MOSPD2: variants seen among roughly 807,000 people sequenced by gnomAD.
MOSPD2 encodes the protein motile sperm domain containing 2.
A neutral mutation model predicts 41.7 loss-of-function variants in MOSPD2; 5 were observed. The ratio of observed to expected loss-of-function variants is 0.12; its 90% CI spans 0.06 to 0.25. The LOEUF (loss-of-function observed/expected upper bound fraction) is 0.25. Among genes scored for constraint, MOSPD2 ranks in the 10% least tolerant of loss-of-function variants. MOSPD2 has a pLI of 1.00. For synonymous variants in MOSPD2, 115 were observed against 126.9 expected (o/e 0.91, Z 0.63); for missense variants, 282 against 375.2 (o/e 0.75, Z 2.05).
rs182340330 is a variant in MOSPD2, at chrX:14,905,281, A to G, written c.577+2277A>G. Among the ~76,000 whole-genome samples, 319 of 110,931 alleles carry G rather than the reference A, an allele frequency of 2.9e-3. 1 individual carries two copies. The highest frequency in any genetic ancestry group is 3.5e-3 in the Non-Finnish European group (184 of 52,933). On this transcript the variant is annotated intron_variant, in intron 7 of 14. Coordinates refer to ENST00000380492, the MANE Select transcript of MOSPD2 (RefSeq NM_152581.4). ...AGGACACGGAAAATTACAAAACCCC[A>G]TTTTAGTAAATTCAAGCCTTACATA...
intron 2 of MOSPD2, among the ~76,000 whole-genome samples, chrX:14,874,770 A>C (rs2092516694): frequency 9.0e-6 from 1 of 111,536 alleles, no homozygotes; most frequent in African/African-American, 3.3e-5. Context: ...AATCGGTTTC[A>C]AATACTTGTC....
chrX:14,894,348 G>T (rs2092559314), intron 3 of MOSPD2, among the ~76,000 whole-genome samples: 2 of 83,189 alleles, frequency 2.4e-5, no homozygotes, highest in Non-Finnish European at 2.3e-5. Context: ...GATGGAATCT[G>T]GCTCTGTCAC....
chrX:14,899,146 G>T (rs1186469936), intron 5 of MOSPD2, among the ~76,000 whole-genome samples: 17 of 86,279 alleles, frequency 2.0e-4, no homozygotes, highest in African/African-American at 5.3e-4. Context: ...GTCCTCAAAA[G>T]GACGTTTTAC....
chrX:14,873,548 T>C lies in MOSPD2; in HGVS notation c.9+11T>C. 1 of 1,211,608 alleles carries C rather than the reference T, an allele frequency of 8.3e-7. No homozygotes were observed. Among genetic ancestry groups the C allele is most frequent in the Non-Finnish European group, 1.1e-6 (1 of 895,277 alleles). The stretch of plus-strand genomic sequence containing the variant: ...GTGATCATGGCAGAGGTGAGGAGCC[T>C]ATTGCACCGCCGCTGGCCCCCCGGA... On this transcript the variant is annotated intron_variant, in intron 1 of 14. Coordinates refer to ENST00000380492, the MANE Select transcript of MOSPD2 (RefSeq NM_152581.4).
chrX:14,875,394 G>T (rs1021310107), intron 2 of MOSPD2, among the ~76,000 whole-genome samples: 2 of 111,668 alleles, frequency 1.8e-5, no homozygotes, highest in Non-Finnish European at 3.8e-5. Context: ...GCCCCCACCC[G>T]CCATCCTCAT....
At chrX:14,908,308 T>G (rs1245665010) in intron 7 of MOSPD2, among the ~76,000 whole-genome samples, 1 of 111,807 alleles carries the variant, frequency 8.9e-6, no homozygotes, top group Admixed American at 9.5e-5. Context: ...TGAGATTTCG[T>G]AAGTTTCCCA....
At chrX:14,906,581 G>A (rs1366285623) in intron 7 of MOSPD2, among the ~76,000 whole-genome samples, 1 of 111,388 alleles carries the variant, frequency 9.0e-6, no homozygotes, top group Non-Finnish European at 1.9e-5. Flanking sequence ...GATAACATTG[G>A]ACTGCATTAA....
chrX:14,900,531 G>C (rs372976905), intron 5 of MOSPD2, 44 bp from the exon 6 acceptor site: 786 of 677,911 alleles, frequency 1.2e-3, no homozygotes, highest in Non-Finnish European at 1.6e-3. Flanking sequence ...GCAATTTTAA[G>C]TTCTCTAATG....
At chrX:14,895,512 C>T (rs2092561511) in intron 4 of MOSPD2, 118 bp downstream of exon 4, 1 of 465,568 alleles carries the variant, frequency 2.1e-6, no homozygotes, top group African/African-American at 2.4e-5. Context: ...AGGTCTTCTG[C>T]AATGAGGGAT....
chrX:14,895,184 A>T, intron 3 of MOSPD2, 124 bp from the exon 4 acceptor site: 1 of 458,869 alleles, frequency 2.2e-6, no homozygotes, highest in Non-Finnish European at 3.7e-6. Flanking sequence ...TTTTTTTTTG[A>T]ATGTTTGGGT....
At chrX:14,892,164 A>G (rs2092555133) in intron 2 of MOSPD2, among the ~76,000 whole-genome samples, 1 of 111,509 alleles carries the variant, frequency 9.0e-6, no homozygotes, top group African/African-American at 3.3e-5. Context: ...TGTTGCTATA[A>G]AGGAATACCT....
intron 5 of MOSPD2, among the ~76,000 whole-genome samples, chrX:14,899,033 G>C (rs2092567669): frequency 9.2e-6 from 1 of 108,764 alleles, no homozygotes; most frequent in South Asian, 3.8e-4. Context: ...CTGCCTGCCT[G>C]AAAGAAATGC....
At chrX:14,894,665 C>T (rs758391638) in intron 3 of MOSPD2, among the ~76,000 whole-genome samples, 1 of 110,491 alleles carries the variant, frequency 9.1e-6, no homozygotes, top group Admixed American at 9.7e-5. Context: ...CTGTGTTGCC[C>T]AGGCTGGTCT....
chrX:14,885,587 A>T (rs1480141980), intron 2 of MOSPD2: 1 of 111,904 alleles, frequency 8.9e-6, no homozygotes, highest in Non-Finnish European at 1.9e-5. Context: ...ATTATATAGG[A>T]TAACTTAGTT....
chrX:14,916,115 A>T, intron 12 of MOSPD2, 82 bp from the exon 13 acceptor site: 1 of 1,162,857 alleles, frequency 8.6e-7, no homozygotes, highest in Non-Finnish European at 1.2e-6. Context: ...GTTGAGTTCC[A>T]GAATAATGCT....
chrX:14,901,460 C>T (rs189869681), intron 6 of MOSPD2, among the ~76,000 whole-genome samples: 1 of 111,338 alleles, frequency 9.0e-6, no homozygotes, highest in Non-Finnish European at 1.9e-5. Flanking sequence ...CATAAAATCC[C>T]TAAATTATCT....
At chrX:14,912,383 A>T (rs1238831752) in intron 10 of MOSPD2, 22 bp downstream of exon 10, 1 of 994,385 alleles carries the variant, frequency 1.0e-6, no homozygotes, top group Non-Finnish European at 1.4e-6. Context: ...AGATTTTATT[A>T]GCTATAATTT....
intron 5 of MOSPD2, 135 bp downstream of exon 5, chrX:14,897,373 C>A: frequency 2.1e-6 from 1 of 478,236 alleles, no homozygotes; most frequent in Non-Finnish European, 3.4e-6. Context: ...TTTCACCTTG[C>A]AGTGTGAGTG....
intron 2 of MOSPD2, among the ~76,000 whole-genome samples, chrX:14,876,798 T>G (rs931353548): frequency 8.9e-6 from 1 of 111,970 alleles, no homozygotes; most frequent in Non-Finnish European, 1.9e-5. Flanking sequence ...AAAACAGAGA[T>G]AGCTATTAAA....
Sources: allele counts gnomAD v4.1 joint callset (sites outside exome capture counted in the v4.1 genomes callset), GRCh38; gene constraint gnomAD v4.1.1; transcripts MANE v1.5; gene names NCBI Gene and HGNC (gene_info 2026-07-23, HGNC 2026-07-21).